The following NR3C2 variants were observed in gnomAD, a reference collection of about 807,000 sequenced individuals.
The protein encoded by NR3C2 is mineralocorticoid receptor.
In NR3C2, 15 loss-of-function variants were observed where a neutral mutation model predicts 86.4. That is an observed-to-expected ratio of 0.17 (90% CI 0.12 to 0.27). NR3C2 has a LOEUF of 0.27. Among genes scored for constraint, NR3C2 ranks in the 10% least tolerant of loss-of-function variants. NR3C2 has a pLI of 1.00. For missense variants in NR3C2, 960 were observed against 1,195.6 expected (o/e 0.80, Z 2.91); for synonymous variants, 458 against 450.5 (o/e 1.02, Z -0.21).
intron 2 of NR3C2, among the ~76,000 whole-genome samples, chr4:148,296,062 A>AAAAAAAAAC: frequency 6.6e-6 from 1 of 151,338 alleles, no homozygotes; most frequent in Non-Finnish European, 1.5e-5. Flanking sequence ...AAAAAAAAAA[A>AAAAAAAAAC]AAAAGAGAGA....
At chr4:148,232,834 G>A (rs780450208) in intron 3 of NR3C2, among the ~76,000 whole-genome samples, 5 of 152,170 alleles carry the variant, frequency 3.3e-5, no homozygotes, top group Admixed American at 6.5e-5. Flanking sequence ...TTCCATCAAC[G>A]TGAAGTGCTG....
chr4:148,234,471 A>ATT lies in NR3C2; in HGVS notation c.1897+25506_1897+25507insAA, dbSNP rs1738637289. ...CAGATCACGAGGTCAGGAGATTGAG[A>ATT]CCATCCTGGCTAACACGGTGAAACC... On this transcript the variant is annotated intron_variant, in intron 3 of 8. Transcript: ENST00000358102. 3.3e-5 allele frequency among the ~76,000 whole-genome samples: 5 copies of ATT among 152,198 alleles called. No homozygotes were observed. In the East Asian group the frequency reaches 9.7e-4, roughly 29 times the overall value.
At chr4:148,242,976 C>T (rs950522500) in intron 3 of NR3C2, among the ~76,000 whole-genome samples, 1 of 150,204 alleles carries the variant, frequency 6.7e-6, no homozygotes, top group Non-Finnish European at 1.5e-5. Context: ...TAATTGGTTA[C>T]AGGACGGTTA....
intron 4 of NR3C2, among the ~76,000 whole-genome samples, chr4:148,170,687 A>C (rs967952994): frequency 1.3e-5 from 2 of 152,238 alleles, no homozygotes; most frequent in African/African-American, 4.8e-5. Context: ...AAAATATTCC[A>C]TAAATATGTC....
intron 2 of NR3C2, among the ~76,000 whole-genome samples, chr4:148,430,702 C>G (rs1049243853): frequency 3.9e-5 from 6 of 152,042 alleles, no homozygotes; most frequent in Non-Finnish European, 7.4e-5. Flanking sequence ...ACACACCCTA[C>G]CATTCTTTCA....
At chr4:148,344,045 A>G (rs911433627) in intron 2 of NR3C2, among the ~76,000 whole-genome samples, 6 of 152,178 alleles carry the variant, frequency 3.9e-5, no homozygotes, top group Non-Finnish European at 8.8e-5. Context: ...CTATATCTAG[A>G]GGAAGGGGGA....
chr4:148,319,860 A>G (rs1222248485), intron 2 of NR3C2, among the ~76,000 whole-genome samples: 1 of 142,798 alleles, frequency 7.0e-6, no homozygotes, highest in Non-Finnish European at 1.5e-5. Flanking sequence ...CTAATTGAAT[A>G]CCCTTTATTT....
chr4:148,388,179 A>G (rs1747362939), intron 2 of NR3C2, among the ~76,000 whole-genome samples: 1 of 152,236 alleles, frequency 6.6e-6, no homozygotes, highest in Admixed American at 6.5e-5. Flanking sequence ...TTCCCTGAAT[A>G]TTAGACAAGT....
intron 6 of NR3C2, among the ~76,000 whole-genome samples, chr4:148,139,089 G>T (rs1367282816): frequency 6.6e-6 from 1 of 152,140 alleles, no homozygotes; most frequent in Non-Finnish European, 1.5e-5. Flanking sequence ...CCAGAATCAG[G>T]GATTGTGTTA....
intron 2 of NR3C2, among the ~76,000 whole-genome samples, chr4:148,390,757 A>G (rs61764783): frequency 0.034 from 5,143 of 152,296 alleles, 283 homozygotes; most frequent in African/African-American, 0.11. Flanking sequence ...AGCAACAGCA[A>G]TCCTGAACTC....
chr4:148,145,679 G>T (rs1286553704), intron 6 of NR3C2, among the ~76,000 whole-genome samples: 1 of 152,190 alleles, frequency 6.6e-6, no homozygotes, highest in African/African-American at 2.4e-5. Context: ...CTGCAGGGGG[G>T]TGCTGCTTTC....
intron 4 of NR3C2, among the ~76,000 whole-genome samples, chr4:148,164,666 C>A (rs1348877275): frequency 6.6e-6 from 1 of 152,192 alleles, no homozygotes; most frequent in African/African-American, 2.4e-5. Flanking sequence ...CAAGGGCTGC[C>A]TTCTTGGCAT....
At chr4:148,226,918 T>A (rs570671964) in intron 3 of NR3C2, among the ~76,000 whole-genome samples, 1 of 152,054 alleles carries the variant, frequency 6.6e-6, no homozygotes, top group Non-Finnish European at 1.5e-5. Context: ...GTAGTATTTT[T>A]AATTTTTGAT....
intron 2 of NR3C2, among the ~76,000 whole-genome samples, chr4:148,372,997 T>G (rs182472630): frequency 2.0e-5 from 3 of 152,346 alleles, no homozygotes; most frequent in Non-Finnish European, 2.9e-5. Flanking sequence ...GTAGATATCT[T>G]TGAGAAGACA....
chr4:148,397,483 C>G (rs993204035), intron 2 of NR3C2, among the ~76,000 whole-genome samples: 2 of 152,220 alleles, frequency 1.3e-5, no homozygotes, highest in Admixed American at 6.5e-5. Flanking sequence ...AGCCACCAAT[C>G]TCTCAGACGG....
chr4:148,369,352 A>G (rs780459244), intron 2 of NR3C2, among the ~76,000 whole-genome samples: 9 of 152,224 alleles, frequency 5.9e-5, no homozygotes, highest in Non-Finnish European at 1.2e-4. Flanking sequence ...ATACCATTTC[A>G]TATTAGCATA....
intron 7 of NR3C2, among the ~76,000 whole-genome samples, chr4:148,116,805 C>T (rs190310990): frequency 7.9e-5 from 12 of 151,786 alleles, no homozygotes; most frequent in Non-Finnish European, 1.5e-4. Flanking sequence ...GAATCTATTA[C>T]GAGCTGAGTG....
chr4:148,100,799 A>G (rs911706447), intron 8 of NR3C2, among the ~76,000 whole-genome samples: 27 of 152,264 alleles, frequency 1.8e-4, no homozygotes, highest in Admixed American at 8.5e-4. Context: ...ACAATAGGCA[A>G]AAGGTGGCAA....
chr4:148,404,190 G>A (rs6850820), intron 2 of NR3C2, among the ~76,000 whole-genome samples: 113,355 of 151,926 alleles, frequency 0.75, 42,397 homozygotes, highest in Middle Eastern at 0.84. Context: ...TCAGGCTTAA[G>A]GCCTGGCACA....
Sources: allele counts gnomAD v4.1 joint callset (sites outside exome capture counted in the v4.1 genomes callset), GRCh38; gene constraint gnomAD v4.1.1; transcripts MANE v1.5; gene names NCBI Gene and HGNC (gene_info 2026-07-23, HGNC 2026-07-21).